SLC22A15: variants seen among roughly 807,000 people sequenced by gnomAD.
SLC22A15 encodes solute carrier family 22 member 15.
A neutral mutation model predicts 62.7 loss-of-function variants in SLC22A15; 45 were observed. That is an observed-to-expected ratio of 0.72 (90% CI 0.56 to 0.92). The LOEUF is 0.92. SLC22A15 is among the 40% of genes least tolerant of loss of function. The pLI is 0.00. For missense variants in SLC22A15, 622 were observed against 665.6 expected (o/e 0.93, Z 0.72); for synonymous variants, 264 against 267.0 (o/e 0.99, Z 0.11).
rs539297784 is a variant in SLC22A15, at chr1:116,047,256, G to A, written c.1171+9868G>A. ...AGCCTGGCCAAGATGGTGAAACACCGTCTCTCCTAAAAATATAAAAATTAG... is the reference window on the plus strand; with the variant it reads ...AGCCTGGCCAAGATGGTGAAACACCATCTCTCCTAAAAATATAAAAATTAG... On this transcript the variant is annotated intron_variant, in intron 8 of 11. Coordinates refer to ENST00000369503, the MANE Select transcript of SLC22A15 (RefSeq NM_018420.3). Among the ~76,000 whole-genome samples, 25 of 152,116 alleles carry A rather than the reference G, an allele frequency of 1.6e-4. No homozygotes were observed. The South Asian group carries it at 2.9e-3, about 18-fold the overall frequency.
At chr1:115,991,536 A>G (rs896569749) in intron 1 of SLC22A15, among the ~76,000 whole-genome samples, 1 of 152,182 alleles carries the variant, frequency 6.6e-6, no homozygotes, top group African/African-American at 2.4e-5. Context: ...AAACAATACA[A>G]TATATATTGT....
intron 8 of SLC22A15, among the ~76,000 whole-genome samples, chr1:116,061,205 A>G (rs1376361583): frequency 6.6e-6 from 1 of 152,180 alleles, no homozygotes; most frequent in African/African-American, 2.4e-5. Flanking sequence ...TCGAAATCCC[A>G]ATTTGGACAG....
chr1:116,001,486 T>C (rs958998419), intron 2 of SLC22A15, among the ~76,000 whole-genome samples: 6 of 152,202 alleles, frequency 3.9e-5, no homozygotes, highest in Non-Finnish European at 5.9e-5. Context: ...CTTTTGAAAC[T>C]GTTTTCTAGA....
intron 8 of SLC22A15, among the ~76,000 whole-genome samples, chr1:116,051,166 C>T (rs570408151): frequency 6.6e-6 from 1 of 152,150 alleles, no homozygotes; most frequent in East Asian, 1.9e-4. Flanking sequence ...TCAATGCAAT[C>T]CTCATTAAAA....
chr1:116,061,439 A>G (rs1038462141), intron 8 of SLC22A15, among the ~76,000 whole-genome samples: 7 of 152,178 alleles, frequency 4.6e-5, no homozygotes, highest in Non-Finnish European at 7.3e-5. Flanking sequence ...TTTGGTGATG[A>G]GGACATTGCT....
intron 8 of SLC22A15, among the ~76,000 whole-genome samples, chr1:116,050,736 GAGAA>G (rs1658031159): frequency 6.6e-6 from 1 of 152,110 alleles, no homozygotes; most frequent in Non-Finnish European, 1.5e-5. Flanking sequence ...AATCAGACAA[GAGAA>G]AGAAATAAAG....
chr1:116,041,945 T>G (rs2101495741), intron 8 of SLC22A15, among the ~76,000 whole-genome samples: 2 of 150,752 alleles, frequency 1.3e-5, no homozygotes, highest in Non-Finnish European at 2.9e-5. Flanking sequence ...CCCTGGTTTG[T>G]TTGTTTGTTT....
intron 8 of SLC22A15, among the ~76,000 whole-genome samples, chr1:116,050,222 G>A (rs1411571732): frequency 1.3e-5 from 2 of 152,060 alleles, no homozygotes; most frequent in Non-Finnish European, 2.9e-5. Flanking sequence ...GAGAAAGAAG[G>A]AACCTTCCCT....
rs746434068 is a variant in SLC22A15 at position 116,068,411 on chromosome 1, G to A, written c.*1303G>A. The A allele has an allele frequency of 4.6e-5, 7 of 152,534 alleles. No individual in the cohort carries two copies. Among genetic ancestry groups the A allele is most frequent in the Admixed American group, 2.6e-4 (4 of 15,280 alleles). 9.4% of individuals were successfully genotyped at this position (152,534 alleles called of 1,614,324 possible). A position where few individuals can be genotyped will look rare whatever the true frequency, so the allele number is the denominator to read the frequency against. On this transcript the variant is annotated 3_prime_UTR_variant, in exon 12 of 12. Coordinates refer to ENST00000369503, the MANE Select transcript of SLC22A15 (RefSeq NM_018420.3). ...ATTGAATTAGAGGTAAATAGAAGAC[G>A]TCACTGTGGCTGCTTCTGGAAGTGC...
chr1:116,052,720 A>AGTT (rs1658096085), intron 8 of SLC22A15, among the ~76,000 whole-genome samples: 1 of 152,224 alleles, frequency 6.6e-6, no homozygotes, highest in Admixed American at 6.5e-5. Flanking sequence ...TTCCAGAGGA[A>AGTT]TGATCAGACA....
Position 115,976,597 on chromosome 1 carries a change from G to C in SLC22A15, c.-31G>C. 1 of 1,523,978 alleles carries C rather than the reference G, an allele frequency of 6.6e-7. No homozygotes were observed. The highest frequency in any genetic ancestry group is 8.9e-7 in the Non-Finnish European group (1 of 1,129,256). 94.4% of individuals were successfully genotyped at this position (1,523,978 alleles called of 1,614,324 possible). ...GGAGGGCAGCGCCTGAGAGGGCGGT[G>C]GGGTGGCGGGGTTCCTGCGCGCGGC... On this transcript the variant is annotated 5_prime_UTR_variant, in exon 1 of 12. Transcript: ENST00000369503.
intron 8 of SLC22A15, among the ~76,000 whole-genome samples, chr1:116,041,573 T>C (rs547630009): frequency 2.0e-3 from 306 of 152,328 alleles, no homozygotes; most frequent in Non-Finnish European, 3.4e-3. Context: ...GAAAATGCCC[T>C]AGCACATGGT....
At chr1:115,980,553 GAAAA>G (rs950187316) in intron 1 of SLC22A15, among the ~76,000 whole-genome samples, 1 of 151,284 alleles carries the variant, frequency 6.6e-6, no homozygotes, top group African/African-American at 2.4e-5. Context: ...AATGTTAAGT[GAAAA>G]AAAAGCAGAA....
chr1:116,037,494 C>T lies in SLC22A15; in HGVS notation c.1171+106C>T, dbSNP rs941712663. The T allele has an allele frequency of 5.9e-6, 5 of 851,500 alleles. No homozygotes were observed. The African/African-American group carries it at 6.7e-5, about 11-fold the overall frequency. The allele number at this position is 851,500 out of a possible 1,614,324, so 52.7% of individuals were successfully genotyped here. A position where few individuals can be genotyped will look rare whatever the true frequency, so the allele number is the denominator to read the frequency against. On this transcript the variant is annotated intron_variant, in intron 8 of 11. Transcript: ENST00000369503. Reference sequence around the variant, plus strand: ...ATGGCATGCTTCATTTCTGTGATTGCATATTGTTTAGCAATTGTGTGGGAT... The same window carrying T: ...ATGGCATGCTTCATTTCTGTGATTGTATATTGTTTAGCAATTGTGTGGGAT...
At chr1:116,031,770 TA>T (rs1417670475) in intron 6 of SLC22A15, 189 bp downstream of exon 6, 33 of 1,423,948 alleles carry the variant, frequency 2.3e-5, no homozygotes, top group Admixed American at 2.0e-4. Flanking sequence ...CTTTCTCAAG[TA>T]GCAGATGATA....
chr1:116,032,014 C>T (rs925046981), intron 6 of SLC22A15: 3 of 1,039,060 alleles, frequency 2.9e-6, no homozygotes, highest in African/African-American at 3.4e-5. Context: ...TGCGGTGCTC[C>T]ATGCTGCATT....
intron 5 of SLC22A15, 87 bp downstream of exon 5, chr1:116,027,109 C>T: frequency 1.6e-6 from 2 of 1,287,580 alleles, no homozygotes; most frequent in Non-Finnish European, 2.2e-6. Context: ...GCATTATTCC[C>T]TTTCAGGAGC....
chr1:116,020,299 T>C (rs1656758200), intron 3 of SLC22A15, among the ~76,000 whole-genome samples: 1 of 148,314 alleles, frequency 6.7e-6, no homozygotes, highest in African/African-American at 2.5e-5. Context: ...ACGCCTGTAA[T>C]CCCAGCACTT....
chr1:115,982,556 T>A (rs2101053266), intron 1 of SLC22A15, among the ~76,000 whole-genome samples: 1 of 152,326 alleles, frequency 6.6e-6, no homozygotes, highest in Admixed American at 6.5e-5. Context: ...TATAATTTGC[T>A]ATTCAGTTCT....
Sources: allele counts gnomAD v4.1 joint callset (sites outside exome capture counted in the v4.1 genomes callset), GRCh38; gene constraint gnomAD v4.1.1; transcripts MANE v1.5; gene names NCBI Gene and HGNC (gene_info 2026-07-23, HGNC 2026-07-21).